GABRB2: variants seen among roughly 807,000 people sequenced by gnomAD.
GABRB2 encodes the protein gamma-aminobutyric acid receptor subunit beta-2.
In GABRB2, 16 loss-of-function variants were observed where a neutral mutation model predicts 54.7. That is an observed-to-expected ratio of 0.29 (90% CI 0.20 to 0.44). GABRB2 has a LOEUF of 0.44. Among genes scored for constraint, GABRB2 ranks in the 20% least tolerant of loss-of-function variants. GABRB2 has a pLI of 1.00. For synonymous variants in GABRB2, 244 were observed against 233.8 expected (o/e 1.04, Z -0.40); for missense variants, 355 against 644.0 (o/e 0.55, Z 4.86).
At chr5:161,543,063 A>G (rs568652543) in intron 3 of GABRB2, among the ~76,000 whole-genome samples, 2 of 152,264 alleles carry the variant, frequency 1.3e-5, no homozygotes, top group South Asian at 2.1e-4. Context: ...GGACAAATCC[A>G]TGGGTGTAGC....
At chr5:161,443,319 A>T (rs1217872027) in intron 4 of GABRB2, among the ~76,000 whole-genome samples, 1 of 152,194 alleles carries the variant, frequency 6.6e-6, no homozygotes, top group Admixed American at 6.6e-5. Flanking sequence ...ACACTTTTTC[A>T]TAATTTTAAA....
At chr5:161,526,147 T>C (rs1226655040) in intron 3 of GABRB2, among the ~76,000 whole-genome samples, 1 of 151,462 alleles carries the variant, frequency 6.6e-6, no homozygotes. Flanking sequence ...AGATAATTTC[T>C]GGAAATCTTG....
chr5:161,336,402 C>A (rs1211312363), intron 6 of GABRB2, among the ~76,000 whole-genome samples: 13 of 152,090 alleles, frequency 8.5e-5, no homozygotes, highest in Non-Finnish European at 5.9e-5. Flanking sequence ...GCTTCTCTGG[C>A]AAATGGGATA....
At chr5:161,504,967 C>A (rs1396792946) in intron 3 of GABRB2, among the ~76,000 whole-genome samples, 1 of 152,054 alleles carries the variant, frequency 6.6e-6, no homozygotes, top group Non-Finnish European at 1.5e-5. Flanking sequence ...AAATTTTACA[C>A]ACAAAAATCC....
chr5:161,441,588 C>T (rs1757466987), intron 4 of GABRB2, among the ~76,000 whole-genome samples: 1 of 152,124 alleles, frequency 6.6e-6, no homozygotes, highest in East Asian at 1.9e-4. Context: ...ATATGATCAG[C>T]TATCGCACTG....
At position 161,504,822 on chromosome 5, in the gene GABRB2, C is replaced by G. The variant is rs975725404; in HGVS notation, c.237+40405G>C. On this transcript the variant is annotated intron_variant, in intron 3 of 9. Coordinates refer to ENST00000393959, the MANE Select transcript of GABRB2 (RefSeq NM_001371727.1). ...AAAAAAAAAAAGGAAATATTATGAA[C>G]AACTTTCCATGAACATTTTAGAAAT... is the stretch of plus-strand genomic sequence containing the variant. Among the ~76,000 whole-genome samples, 4 of 141,566 alleles carry G rather than the reference C, an allele frequency of 2.8e-5. 1 individual carries two copies. The highest frequency in any genetic ancestry group is 2.2e-4 in the South Asian group (1 of 4,506). 92.9% of individuals were successfully genotyped at this position (141,566 alleles called of 152,430 possible).
chr5:161,458,468 A>G (rs1758027140), intron 4 of GABRB2, among the ~76,000 whole-genome samples: 1 of 152,162 alleles, frequency 6.6e-6, no homozygotes, highest in African/African-American at 2.4e-5. Context: ...TTCTCGACAA[A>G]TGTCATAAAC....
Position 161,293,381 on chromosome 5 carries a change from C to T in GABRB2, c.*700G>A, listed in dbSNP as rs990346076. The T allele has an allele frequency of 2.0e-5, 3 of 152,128 alleles. No homozygotes were observed. Among genetic ancestry groups the T allele is most frequent in the South Asian group, 2.1e-4 (1 of 4,820 alleles). 9.4% of individuals were successfully genotyped at this position (152,128 alleles called of 1,614,324 possible). ...TTACTTTAACCACCTAGGAAATAGCCGTTTAGCAAAAATTTTCTTGGCCAC... is the reference window on the plus strand; with the variant it reads ...TTACTTTAACCACCTAGGAAATAGCTGTTTAGCAAAAATTTTCTTGGCCAC... On this transcript the variant is annotated 3_prime_UTR_variant, in exon 10 of 10. Transcript: ENST00000393959.
chr5:161,390,458 C>A (rs1375028589), intron 5 of GABRB2, among the ~76,000 whole-genome samples: 1 of 151,850 alleles, frequency 6.6e-6, no homozygotes, highest in Admixed American at 6.6e-5. Context: ...AATGCAACAC[C>A]CTAGGTTGGA....
intron 4 of GABRB2, among the ~76,000 whole-genome samples, chr5:161,429,550 A>T (rs1386715433): frequency 2.6e-5 from 4 of 152,012 alleles, no homozygotes; most frequent in African/African-American, 9.7e-5. Flanking sequence ...CAGAACCAGG[A>T]CATATTGGTA....
chr5:161,296,877 A>G (rs894165627), intron 9 of GABRB2, among the ~76,000 whole-genome samples: 5 of 152,190 alleles, frequency 3.3e-5, no homozygotes, highest in Non-Finnish European at 7.3e-5. Flanking sequence ...CTTTCAATCT[A>G]GTTTCTTCTG....
chr5:161,335,635 A>G (rs1185363660), intron 6 of GABRB2, among the ~76,000 whole-genome samples: 2 of 152,154 alleles, frequency 1.3e-5, no homozygotes, highest in African/African-American at 4.8e-5. Flanking sequence ...TGGAGAGGAT[A>G]TTCTCATTGT....
intron 4 of GABRB2, among the ~76,000 whole-genome samples, chr5:161,438,242 C>T (rs1341612262): frequency 6.6e-6 from 1 of 152,198 alleles, no homozygotes; most frequent in Non-Finnish European, 1.5e-5. Flanking sequence ...GGGAAGAGAA[C>T]AAGACTCTGC....
chr5:161,323,193 T>C (rs1448047791), intron 9 of GABRB2, among the ~76,000 whole-genome samples: 3 of 152,024 alleles, frequency 2.0e-5, no homozygotes, highest in Admixed American at 2.0e-4. Context: ...AGCTAATTTT[T>C]TGTATCTTTA....
At chr5:161,542,036 C>T (rs1581071682) in intron 3 of GABRB2, among the ~76,000 whole-genome samples, 1 of 152,258 alleles carries the variant, frequency 6.6e-6, no homozygotes, top group East Asian at 1.9e-4. Context: ...TGTTGTGTCT[C>T]AGGGAATAGG....
At chr5:161,467,766 A>T (rs1758320800) in intron 3 of GABRB2, among the ~76,000 whole-genome samples, 1 of 152,076 alleles carries the variant, frequency 6.6e-6, no homozygotes, top group South Asian at 2.1e-4. Context: ...GAATAATATC[A>T]AAATGAGGCC....
At chr5:161,541,990 T>A (rs189594500) in intron 3 of GABRB2, among the ~76,000 whole-genome samples, 5 of 152,302 alleles carry the variant, frequency 3.3e-5, no homozygotes, top group Non-Finnish European at 7.4e-5. Flanking sequence ...TGTGCAACTC[T>A]CATTGTAGGG....
intron 4 of GABRB2, among the ~76,000 whole-genome samples, chr5:161,435,916 C>T (rs1313846432): frequency 6.6e-6 from 1 of 152,092 alleles, no homozygotes; most frequent in East Asian, 1.9e-4. Flanking sequence ...GGAGCTATAA[C>T]TAATAAAGCT....
chr5:161,502,170 A>T (rs1013432561), intron 3 of GABRB2, among the ~76,000 whole-genome samples: 21 of 151,590 alleles, frequency 1.4e-4, no homozygotes, highest in Non-Finnish European at 2.9e-5. Context: ...CATTATGTTG[A>T]TGGGGAAATC....
Sources: gnomAD v4.1 joint callset for allele counts (sites outside exome capture counted in the v4.1 genomes callset) on GRCh38, gnomAD v4.1.1 for gene constraint, MANE v1.5 for transcripts, NCBI Gene and HGNC (gene_info 2026-07-23, HGNC 2026-07-21) for gene names.